The following ADGRV1 variants were observed in gnomAD, a reference collection of about 807,000 sequenced individuals.
ADGRV1 encodes the protein adhesion G protein-coupled receptor V1, also known as G-protein coupled receptor 98.
ADGRV1 carries 359 observed loss-of-function variants against 596.2 expected under a neutral mutation model. The observed-to-expected ratio is 0.60, with a 90% CI of 0.55 to 0.66. ADGRV1 has a LOEUF of 0.66. Ranked by LOEUF, ADGRV1 falls within the 30% of genes least tolerant of loss-of-function variation. The pLI is 0.00. For missense variants in ADGRV1, 7,274 were observed against 7,575.6 expected, an observed-to-expected ratio of 0.96 and a Z score of 1.48; for synonymous variants, 2,681 against 2,679.2, an observed-to-expected ratio of 1.00 and a Z score of -0.02.
chr5:91,048,453 C>CCT (rs1786024192), intron 85 of ADGRV1, among the ~76,000 whole-genome samples: 2 of 152,170 alleles, frequency 1.3e-5, no homozygotes, highest in Admixed American at 1.3e-4. Context: ...AGCAAGCCAG[C>CCT]CTCTCTCTCA....
At chr5:90,721,179 T>G in intron 45 of ADGRV1, 120 bp downstream of exon 45, 1 of 863,132 alleles carries the variant, frequency 1.2e-6, no homozygotes, top group East Asian at 3.1e-5. Flanking sequence ...AAACAGATAA[T>G]CTAATTCTTT....
At chr5:90,585,852 A>T (rs1758691576) in intron 1 of ADGRV1, among the ~76,000 whole-genome samples, 1 of 152,240 alleles carries the variant, frequency 6.6e-6, no homozygotes, top group South Asian at 2.1e-4. Flanking sequence ...AGTCCAGTCA[A>T]ATAAGAACCT....
At position 90,642,887 on chromosome 5, in the gene ADGRV1, G is replaced by C. The variant is rs771784301; in HGVS notation, c.2399G>C (p.Arg800Pro). ...EGESVELHII[R>P]SRGSLVKQFL... The stretch of plus-strand genomic sequence containing the variant: ...GAATCTGTAGAGCTCCACATCATCC[G>C]ATCAAGGGGGTCCCTTGTTAAGCAG... Residue 800 changes from arginine to proline, a missense_variant, in exon 13 of 90, where the codon CGA becomes CCA. Coordinates refer to ENST00000405460, the MANE Select transcript of ADGRV1 (RefSeq NM_032119.4). 1 of 1,610,522 alleles carries C rather than the reference G, an allele frequency of 6.2e-7. No homozygotes were observed.
In ADGRV1 at chr5:91,140,970, C is replaced by T. The variant is rs995897806; in HGVS notation, c.18433-9060C>T. Among the ~76,000 whole-genome samples the T allele has an allele frequency of 2.6e-5, 4 of 152,128 alleles. No individual in the cohort carries two copies. The East Asian group carries it at 7.7e-4, about 29-fold the overall frequency. The stretch of plus-strand genomic sequence containing the variant: ...GGAAATGAGATTACTGAAGCATGTC[C>T]TAATACTTACCTTTTCACTTATGGG... On this transcript the variant is annotated intron_variant, in intron 87 of 89. Coordinates refer to ENST00000405460, the MANE Select transcript of ADGRV1 (RefSeq NM_032119.4).
At chr5:91,116,854 A>G (rs1449235724) in intron 87 of ADGRV1, among the ~76,000 whole-genome samples, 1 of 152,144 alleles carries the variant, frequency 6.6e-6, no homozygotes, top group African/African-American at 2.4e-5. Context: ...GGTGGATAAT[A>G]TTTAATTTGG....
rs778286042 is a variant in ADGRV1 at position 90,745,223 on chromosome 5, A to G, written c.10727A>G (p.Tyr3576Cys). ...CTAGTGGGAGCTCATTCACATATAT[A>G]TGAGCTAGCCTACATTTCCAGCCAT... ...IALVGAHSHI[Y>C]ELAYISSHSD... The change falls in exon 51 of 90, where the codon TAT becomes TGT. Residue 3576 changes from tyrosine (Y) to cysteine (C), a missense_variant. Transcript: ENST00000405460. 19 of 1,609,534 alleles carry G rather than the reference A, an allele frequency of 1.2e-5. No homozygotes were observed. Among genetic ancestry groups the G allele is most frequent in the African/African-American group, 4.0e-5 (3 of 74,882 alleles).
rs2247870 is a variant in ADGRV1, at chr5:90,855,772, G to A, written c.17626G>A (p.Val5876Ile). 0.53 allele frequency: 848,918 copies of A among 1,589,340 alleles called. 232,939 individuals carry two copies. The highest frequency in any genetic ancestry group is 0.69 in the Admixed American group (38,919 of 56,100). ...WLSDSQFCKV[V>I]EETADYVECA... ...GTCTGACAGTCAGTTTTGCAAAGTG[G>A]TTGAGGAAACTGCAGACTATGTGGA... The change falls in exon 82 of 90, where the codon GTT (valine) becomes ATT (isoleucine). Residue 5876 changes from valine (V) to isoleucine (I), a missense_variant. By Grantham distance (29) the Val-to-Ile change is conservative. Around this residue, in one of 5 missense-constraint regions of ADGRV1, gnomAD observed 1,874 missense variants for 1,970.2 expected, o/e 0.95. Transcript: ENST00000405460.
At chr5:90,757,214 G>A (rs1418355823) in intron 57 of ADGRV1, 53 bp downstream of exon 57, 2 of 1,463,972 alleles carry the variant, frequency 1.4e-6, no homozygotes, top group Admixed American at 3.5e-5. Flanking sequence ...CAGACATTTT[G>A]TAGGCATCCA....
At chr5:90,638,025 CT>C (rs949303043) in intron 11 of ADGRV1, 77 bp downstream of exon 11, 19 of 1,010,424 alleles carry the variant, frequency 1.9e-5, no homozygotes, top group East Asian at 2.6e-5. Flanking sequence ...TTTTTTTACT[CT>C]TTTTTTTCTA....
chr5:90,703,769 T>G lies in ADGRV1; in HGVS notation c.8260T>G (p.Phe2754Val), dbSNP rs1357183374. 6.2e-7 allele frequency: 1 copy of G among 1,600,804 alleles called. No individual in the cohort carries two copies. The highest frequency in any genetic ancestry group is 1.3e-5 in the African/African-American group (1 of 74,668). The change falls in exon 35 of 90, where the codon TTT (phenylalanine) becomes GTT (valine). Residue 2754 changes from phenylalanine (F) to valine (V), a missense_variant. By Grantham distance (50) the Phe-to-Val change is conservative (BLOSUM62 -1). This residue lies in a region of ADGRV1 where 3,643 missense variants were observed against 3,809.2 expected (regional missense o/e 0.96). Coordinates refer to ENST00000405460, the MANE Select transcript of ADGRV1 (RefSeq NM_032119.4). The stretch of plus-strand genomic sequence containing the variant: ...AAATCTAGAACTCAATTTTGCTAAC[T>G]TTAGCGGACAACTTTTCTTTCCTGA... Reference protein sequence around the residue: ...GQNLELNFANFSGQLFFPEGS... With the variant: ...GQNLELNFANVSGQLFFPEGS...
At chr5:90,665,868 T>C (rs1248733659) in intron 21 of ADGRV1, among the ~76,000 whole-genome samples, 1 of 150,662 alleles carries the variant, frequency 6.6e-6, no homozygotes, top group Non-Finnish European at 1.5e-5. Context: ...CATTTCGTTA[T>C]GTATCCAGTA....
intron 84 of ADGRV1, among the ~76,000 whole-genome samples, chr5:90,978,835 CAAT>C (rs1378632184): frequency 1.3e-5 from 2 of 152,056 alleles, no homozygotes; most frequent in African/African-American, 4.8e-5. Flanking sequence ...TTGTTAAAGT[CAAT>C]AAAATGTTTT....
At chr5:90,562,911 CTATT>C (rs1452139365) in intron 1 of ADGRV1, among the ~76,000 whole-genome samples, 5 of 152,086 alleles carry the variant, frequency 3.3e-5, no homozygotes, top group Admixed American at 1.3e-4. Flanking sequence ...TTTCATAAAT[CTATT>C]TGTTATTCAA....
intron 84 of ADGRV1, among the ~76,000 whole-genome samples, chr5:90,968,857 G>A (rs150828903): frequency 4.9e-4 from 75 of 152,112 alleles, no homozygotes; most frequent in Admixed American, 2.9e-3. Flanking sequence ...ATATAGGAGC[G>A]AATATGATAC....
intron 41 of ADGRV1, among the ~76,000 whole-genome samples, chr5:90,711,615 A>G (rs1749360943): frequency 6.6e-6 from 1 of 152,216 alleles, no homozygotes; most frequent in Non-Finnish European, 1.5e-5. Context: ...AAGAATTTAT[A>G]TCATTAGATA....
chr5:91,027,958 A>G (rs1431279617), intron 85 of ADGRV1, among the ~76,000 whole-genome samples: 2 of 151,514 alleles, frequency 1.3e-5, no homozygotes, highest in African/African-American at 4.8e-5. Flanking sequence ...CCAAATCAGG[A>G]TTTCTTAAAT....
rs116709731 is a variant in ADGRV1, at chr5:91,108,315, G to A, written c.18432+5975G>A. Among the ~76,000 whole-genome samples the A allele has an allele frequency of 8.0e-3, 1,223 of 151,988 alleles. 12 individuals carry two copies. Among genetic ancestry groups the A allele is most frequent in the African/African-American group, 0.012 (510 of 41,468 alleles). ...ACACTTGTTTGTTTTTTTACCCCCC[G>A]AATGGCTTTCATATTTCTCTACTGA... is the stretch of plus-strand genomic sequence containing the variant. On this transcript the variant is annotated intron_variant, in intron 87 of 89. Transcript: ENST00000405460.
At chr5:90,787,624 TCTTTGTTGC>T (rs1759607370) in intron 67 of ADGRV1, among the ~76,000 whole-genome samples, 1 of 145,130 alleles carries the variant, frequency 6.9e-6, no homozygotes, top group Admixed American at 7.0e-5. Context: ...GGAGTTTCGC[TCTTTGTTGC>T]CTAGGCTGGA....
At position 90,725,167 on chromosome 5, in the gene ADGRV1, A is replaced by G. The variant is rs1207562336; in HGVS notation, c.9988A>G (p.Arg3330Gly). ...SPYFVITHEE[R>G]NEEKPSLNSV... ...CTACTTTGTGATTACTCATGAAGAA[A>G]GAAATGAAGAAAAGCCTTCTCTTAA... The change falls in exon 47 of 90, where the codon AGA (arginine) becomes GGA (glycine). Residue 3330 changes from arginine (R) to glycine (G), a missense_variant. Transcript: ENST00000405460. 6.4e-7 allele frequency: 1 copy of G among 1,551,570 alleles called. No individual in the cohort carries two copies. Among genetic ancestry groups the G allele is most frequent in the South Asian group, 1.2e-5 (1 of 82,550 alleles).
Sources: allele counts gnomAD v4.1 joint callset (sites outside exome capture counted in the v4.1 genomes callset), GRCh38; gene constraint gnomAD v4.1.1; regional missense constraint gnomAD v4.1.1; transcripts MANE v1.5; gene names NCBI Gene and HGNC (gene_info 2026-07-23, HGNC 2026-07-21).